Variants in GRID2IP observed in about 807,000 individuals in gnomAD.
GRID2IP encodes delphilin.
A neutral mutation model predicts 114.3 loss-of-function variants in GRID2IP; 78 were observed. The ratio of observed to expected loss-of-function variants is 0.68; its 90% CI spans 0.57 to 0.82. The LOEUF (loss-of-function observed/expected upper bound fraction) is 0.82. GRID2IP is among the 40% of genes least tolerant of loss of function. GRID2IP has a pLI of 0.00. For synonymous variants in GRID2IP, 809 were observed against 724.0 expected (o/e 1.12, Z -1.89); for missense variants, 1,727 against 1,678.5 (o/e 1.03, Z -0.51).
chr7:6,526,503 C>G lies in GRID2IP; in HGVS notation c.833+18G>C. On this transcript the variant is annotated intron_variant, in intron 3 of 21. Transcript: ENST00000457091. This position sits in a 1 kb window ranked among gnomAD's most constrained non-coding sequence, Gnocchi z 7.6. ...CGCAGGGAGGCGCCCGCTGCCAGTGCCTGTGAGCCCCGCGTACCTGCGCGC... is the reference window on the plus strand; with the variant it reads ...CGCAGGGAGGCGCCCGCTGCCAGTGGCTGTGAGCCCCGCGTACCTGCGCGC... 1 of 1,335,058 alleles carries G rather than the reference C, an allele frequency of 7.5e-7. No individual in the cohort carries two copies. The highest frequency in any genetic ancestry group is 2.9e-5 in the East Asian group (1 of 34,018). 82.7% of individuals were successfully genotyped at this position (1,335,058 alleles called of 1,614,324 possible).
rs796236161 is a variant in GRID2IP, at chr7:6,508,667, G to A, written c.2128-266C>T. The stretch of plus-strand genomic sequence containing the variant: ...AGGGGGATAGCCTGGAATAAGGACA[G>A]GACCCTGTCACGGGTTAGCCTCAGG... On this transcript the variant is annotated intron_variant, in intron 12 of 21. Coordinates refer to ENST00000457091, the MANE Select transcript of GRID2IP (RefSeq NM_001145118.2). The surrounding 1 kb of genome is among the most constrained non-coding windows in gnomAD (Gnocchi z 5.6). Among the ~76,000 whole-genome samples, 1 of 152,160 alleles carries A rather than the reference G, an allele frequency of 6.6e-6. No individual in the cohort carries two copies. Among genetic ancestry groups the A allele is most frequent in the Admixed American group, 6.5e-5 (1 of 15,286 alleles).
Position 6,498,157 on chromosome 7 carries a change from C to T in GRID2IP, c.3471G>A (p.Leu1157=), listed in dbSNP as rs751131808. The T allele has an allele frequency of 1.4e-5, 22 of 1,551,456 alleles. No individual in the cohort carries two copies. In the Admixed American group the frequency reaches 3.3e-4, roughly 24 times the overall value. The stretch of plus-strand genomic sequence containing the variant: ...CCCCAAAGAAGGCCAGCGCCTTGCC[C>T]AGCTCCTCCATGGCCTCGCGCTGCA... ...DGLQREAMEE[L]GKALAFFGED... is the part of the protein sequence containing the mutation. Residue 1157 remains leucine (L), a synonymous_variant, in exon 21 of 22, where the codon CTG becomes CTA. Coordinates refer to ENST00000457091, the MANE Select transcript of GRID2IP (RefSeq NM_001145118.2).
chr7:6,549,217 G>A (rs898741777), intron 1 of GRID2IP, among the ~76,000 whole-genome samples: 1 of 152,174 alleles, frequency 6.6e-6, no homozygotes, highest in East Asian at 1.9e-4. Flanking sequence ...TAAATGGCAG[G>A]TTCCTGCAAA....
chr7:6,520,774 C>A lies in GRID2IP; in HGVS notation c.1085-13G>T. ...AGAGAATCGGAGTCTGCTGGGACCA[C>A]AGGCGGGAGAGGCATGAGTGACTCA... On this transcript the variant is annotated splice_polypyrimidine_tract_variant and intron_variant, in intron 6 of 21. Transcript: ENST00000457091. The surrounding 1 kb of genome is among the most constrained non-coding windows in gnomAD (Gnocchi z 4.6). The A allele has an allele frequency of 6.5e-7, 1 of 1,545,884 alleles. No homozygotes were observed. Among genetic ancestry groups the A allele is most frequent in the Non-Finnish European group, 8.8e-7 (1 of 1,142,780 alleles).
At position 6,525,036 on chromosome 7, in the gene GRID2IP, T is replaced by A. The variant is rs191604727; in HGVS notation, c.919+1188A>T. 8.7e-4 allele frequency among the ~76,000 whole-genome samples: 132 copies of A among 152,142 alleles called. 1 individual carries two copies. Among genetic ancestry groups the A allele is most frequent in the African/African-American group, 3.1e-3 (128 of 41,556 alleles). On this transcript the variant is annotated intron_variant, in intron 4 of 21. Transcript: ENST00000457091. ...ATAAAATAAAATAGGCCGAGTGTGG[T>A]GCTCTTGCCTGTAATTCCAGAACTT...
rs1786638077 is a variant in GRID2IP, at chr7:6,507,823, C to T, written c.2544+162G>A. Among the ~76,000 whole-genome samples, 1 of 152,120 alleles carries T rather than the reference C, an allele frequency of 6.6e-6. No homozygotes were observed. Among genetic ancestry groups the T allele is most frequent in the African/African-American group, 2.4e-5 (1 of 41,408 alleles). On this transcript the variant is annotated intron_variant, in intron 13 of 21. Transcript: ENST00000457091. This position sits in a 1 kb window ranked among gnomAD's most constrained non-coding sequence, Gnocchi z 5.3. ...GATTGGCTTCAATGCCTGCAGTGGC[C>T]CCCAAGCGTGGGGACGTTCTTGGGC...
chr7:6,498,193 C>A lies in GRID2IP; in HGVS notation c.3435G>T (p.Ala1145=). ...FLETAQPALR[A]LDGLQREAME... ...TGGCCTCGCGCTGCAGCCCGTCGAG[C>A]GCCCGAAGTGCTGGCTGGGCCGTCT... Residue 1145 remains alanine, a synonymous_variant, in exon 21 of 22, where the codon GCG becomes GCT. Transcript: ENST00000457091. 1 of 1,548,866 alleles carries A rather than the reference C, an allele frequency of 6.5e-7. No homozygotes were observed. The highest frequency in any genetic ancestry group is 8.7e-7 in the Non-Finnish European group (1 of 1,146,184).
In GRID2IP at chr7:6,505,876, C is replaced by G. The variant is rs1004755692; in HGVS notation, c.2576G>C (p.Ser859Thr). Residue 859 changes from serine to threonine, a missense_variant, in exon 14 of 22, where the codon AGT becomes ACT. Ser to Thr is a moderately conservative substitution (Grantham distance 58). Coordinates refer to ENST00000457091, the MANE Select transcript of GRID2IP (RefSeq NM_001145118.2). ...CAGGTCGAGGTATTTCACCATGTCA[C>G]TCAGCTTATCGTAGTCAGAGTCTTC... Reference protein sequence around the residue: ...LGEDSDYDKLSDMVKYLDLEL... With the variant: ...LGEDSDYDKLTDMVKYLDLEL... 2.1e-5 allele frequency: 33 copies of G among 1,551,986 alleles called. No individual in the cohort carries two copies. Among genetic ancestry groups the G allele is most frequent in the Non-Finnish European group, 2.5e-5 (29 of 1,147,034 alleles).
At chr7:6,511,109 A>G (rs1253652693) in intron 8 of GRID2IP, 70 bp from the exon 9 acceptor site, 2 of 1,322,138 alleles carry the variant, frequency 1.5e-6, no homozygotes, top group Non-Finnish European at 1.9e-6. Context: ...CAAAACAGGG[A>G]GGGGAGGGCA....
intron 1 of GRID2IP, among the ~76,000 whole-genome samples, chr7:6,544,240 T>C (rs903679563): frequency 2.6e-5 from 4 of 152,104 alleles, no homozygotes; most frequent in Non-Finnish European, 5.9e-5. Flanking sequence ...CATAGGCCCA[T>C]GATCAATGAC....
chr7:6,510,843 C>G, intron 9 of GRID2IP, 65 bp downstream of exon 9: 2 of 1,514,706 alleles, frequency 1.3e-6, no homozygotes, highest in East Asian at 5.1e-5. Context: ...CCCACCTCAC[C>G]AAGCCCATTT....
chr7:6,512,573 C>A (rs1028232931), intron 8 of GRID2IP, among the ~76,000 whole-genome samples: 1 of 151,452 alleles, frequency 6.6e-6, no homozygotes, highest in East Asian at 1.9e-4. Flanking sequence ...TGTAGTGGTG[C>A]GATCTCAGCT....
At chr7:6,515,941 A>G (rs1779288346) in intron 7 of GRID2IP, among the ~76,000 whole-genome samples, 1 of 151,664 alleles carries the variant, frequency 6.6e-6, no homozygotes, top group Non-Finnish European at 1.5e-5. Context: ...TACTAAAAAT[A>G]CAAAAATCAG....
chr7:6,532,867 T>C lies in GRID2IP; in HGVS notation c.585-6098A>G, dbSNP rs962968125. Among the ~76,000 whole-genome samples the C allele has an allele frequency of 1.3e-5, 2 of 152,064 alleles. No individual in the cohort carries two copies. The highest frequency in any genetic ancestry group is 2.9e-5 in the Non-Finnish European group (2 of 68,014). On this transcript the variant is annotated intron_variant, in intron 2 of 21. Coordinates refer to ENST00000457091, the MANE Select transcript of GRID2IP (RefSeq NM_001145118.2). The surrounding 1 kb of genome is among the most constrained non-coding windows in gnomAD (Gnocchi z 4.4). ...CCAGGCACGCTACCTCAGAGCCAGG[T>C]CTCCGTGGGCACAGTGGGGCCAGCT...
chr7:6,512,032 C>T (rs559179303), intron 8 of GRID2IP, among the ~76,000 whole-genome samples: 24 of 151,888 alleles, frequency 1.6e-4, no homozygotes, highest in Admixed American at 5.9e-4. Context: ...CTCAGCTTCC[C>T]AAGTAGCTGG....
In GRID2IP at chr7:6,520,638, A is replaced by T. The variant is rs1369556943; in HGVS notation, c.1208T>A (p.Leu403Gln). 1 of 1,551,712 alleles carries T rather than the reference A, an allele frequency of 6.4e-7. No homozygotes were observed. Among genetic ancestry groups the T allele is most frequent in the Non-Finnish European group, 8.7e-7 (1 of 1,146,994 alleles). ...CCCATAGCGCTCAGGAGGTGTGAGT[A>T]GGTGCTCCAGCTGCTGGCTGAAGGT... ...GRTFSQQLEH[L>Q]LTPPERYGVC... The change falls in exon 7 of 22, where the codon CTA becomes CAA. Residue 403 changes from leucine to glutamine, a missense_variant. Coordinates refer to ENST00000457091, the MANE Select transcript of GRID2IP (RefSeq NM_001145118.2). The surrounding 1 kb of genome is among the most constrained non-coding windows in gnomAD (Gnocchi z 4.6).
Position 6,501,866 on chromosome 7 carries a change from T to A in GRID2IP, c.3314A>T (p.Asp1105Val), listed in dbSNP as rs562532545. 1 of 1,551,444 alleles carries A rather than the reference T, an allele frequency of 6.4e-7. No homozygotes were observed. The highest frequency in any genetic ancestry group is 8.7e-7 in the Non-Finnish European group (1 of 1,146,960). ...NQRALTSDLA[D>V]LHGTISEIQD... ...TATCTCGCTGATAGTGCCATGGAGG[T>A]CAGCCAGGTCACTGGTCAGGGCCCG... Residue 1105 changes from aspartate to valine, a missense_variant, in exon 20 of 22, where the codon GAC becomes GTC. By Grantham distance (152) the Asp-to-Val change is radical. Transcript: ENST00000457091.
intron 2 of GRID2IP, among the ~76,000 whole-genome samples, chr7:6,538,185 G>A (rs897375834): frequency 1.3e-5 from 2 of 152,028 alleles, no homozygotes; most frequent in Non-Finnish European, 2.9e-5. Context: ...TGGACAACAT[G>A]GCGAAACCTC....
At position 6,520,580 on chromosome 7, in the gene GRID2IP, G is replaced by C; in HGVS notation, c.1266C>G (p.His422Gln). Residue 422 changes from histidine to glutamine, a missense_variant and splice_region_variant, in exon 7 of 22, where the codon CAC becomes CAG. Physicochemically the swap from His to Gln is conservative, Grantham distance 24. Transcript: ENST00000457091. The surrounding 1 kb of genome is among the most constrained non-coding windows in gnomAD (Gnocchi z 4.6). ...VCRALESFFQ[H>Q]RNIDTLIVDV... is the part of the protein sequence containing the mutation. Reference sequence around the variant, plus strand: ...CACCGCGGCTTTGGCCCGGCCACCTGTGCTGGAAGAAGCTCTCGAGGGCCC... The same window carrying C: ...CACCGCGGCTTTGGCCCGGCCACCTCTGCTGGAAGAAGCTCTCGAGGGCCC... The C allele has an allele frequency of 1.3e-6, 2 of 1,550,682 alleles. No individual in the cohort carries two copies.
Sources: gnomAD v4.1 joint callset for allele counts (sites outside exome capture counted in the v4.1 genomes callset) on GRCh38, gnomAD v4.1.1 for gene constraint, Gnocchi (gnomAD v3.1) non-coding constraint, MANE v1.5 for transcripts, NCBI Gene and HGNC (gene_info 2026-07-23, HGNC 2026-07-21) for gene names.